The following NBEA variants were observed in gnomAD, a reference collection of about 807,000 sequenced individuals.
NBEA encodes the protein neurobeachin.
In NBEA, 44 loss-of-function variants were observed where a neutral mutation model predicts 343.4. That is an observed-to-expected ratio of 0.13 (90% CI 0.10 to 0.16). The LOEUF is 0.16. NBEA is among the 10% of genes least tolerant of loss of function. The pLI, the probability that NBEA is intolerant of heterozygous loss-of-function variation, is 1.00. For missense variants in NBEA, 2,555 were observed against 3,631.3 expected, an observed-to-expected ratio of 0.70 and a Z score of 7.62; for synonymous variants, 1,175 against 1,238.7, an observed-to-expected ratio of 0.95 and a Z score of 1.08.
intron 2 of NBEA, among the ~76,000 whole-genome samples, chr13:35,043,024 A>G (rs924131246): frequency 1.3e-5 from 2 of 151,890 alleles, no homozygotes; most frequent in African/African-American, 4.8e-5. Flanking sequence ...TTTTAAAAAA[A>G]ATCATTTCTA....
At chr13:35,099,879 G>T (rs570055186) in intron 11 of NBEA, among the ~76,000 whole-genome samples, 1 of 152,088 alleles carries the variant, frequency 6.6e-6, no homozygotes, top group African/African-American at 2.4e-5. Flanking sequence ...AAATTAAAGT[G>T]GGATTTCATG....
intron 37 of NBEA, among the ~76,000 whole-genome samples, chr13:35,351,252 A>G (rs2040182727): frequency 1.3e-5 from 2 of 151,872 alleles, no homozygotes; most frequent in African/African-American, 4.8e-5. Flanking sequence ...GATGTATGAG[A>G]CTTTTTTCTT....
intron 36 of NBEA, among the ~76,000 whole-genome samples, chr13:35,339,238 T>A (rs975833182): frequency 6.6e-6 from 1 of 150,602 alleles, no homozygotes; most frequent in African/African-American, 2.5e-5. Flanking sequence ...AGGACTTATA[T>A]ATAGCAAACC....
chr13:35,619,857 G>C (rs1369825141), intron 48 of NBEA, among the ~76,000 whole-genome samples: 1 of 152,166 alleles, frequency 6.6e-6, no homozygotes, highest in Non-Finnish European at 1.5e-5. Context: ...TCTTTACTGA[G>C]AGCTAGTTAT....
intron 41 of NBEA, among the ~76,000 whole-genome samples, chr13:35,525,509 C>T (rs758295573): frequency 7.9e-5 from 12 of 151,964 alleles, no homozygotes; most frequent in Non-Finnish European, 1.3e-4. Context: ...GCCAAGATCG[C>T]GCCACTGCAC....
At chr13:35,025,807 G>A (rs2062001179) in intron 1 of NBEA, among the ~76,000 whole-genome samples, 1 of 151,990 alleles carries the variant, frequency 6.6e-6, no homozygotes, top group Admixed American at 6.6e-5. Context: ...GTTTTTTACA[G>A]ACTCAGGTTA....
At chr13:35,469,380 G>A (rs998781627) in intron 40 of NBEA, among the ~76,000 whole-genome samples, 2 of 151,962 alleles carry the variant, frequency 1.3e-5, no homozygotes, top group East Asian at 1.9e-4. Flanking sequence ...ATGCTTGGGC[G>A]GTTTTTGTTC....
intron 39 of NBEA, among the ~76,000 whole-genome samples, chr13:35,435,552 G>A (rs140921004): frequency 6.6e-6 from 1 of 150,472 alleles, no homozygotes; most frequent in African/African-American, 2.4e-5. Flanking sequence ...GGAGTGGGGT[G>A]GGGGGGGCGT....
intron 35 of NBEA, among the ~76,000 whole-genome samples, chr13:35,309,140 C>A (rs2037190998): frequency 6.6e-6 from 1 of 151,902 alleles, no homozygotes; most frequent in South Asian, 2.1e-4. Context: ...ATTTTATTAT[C>A]TTAATGTAAA....
chr13:35,574,401 G>GA lies in NBEA; in HGVS notation c.7035+7392dup, dbSNP rs963532174. On this transcript the variant is annotated intron_variant, in intron 45 of 58. Coordinates refer to ENST00000379939, the MANE Select transcript of NBEA (RefSeq NM_001385012.1). The stretch of plus-strand genomic sequence containing the variant: ...CTATCAAAAAAAAAGAAAAACAAAA[G>GA]AAAAAAAACAAGGAAAGAAAAAGAA... Among the ~76,000 whole-genome samples, 54 of 107,674 alleles carry GA rather than the reference G, an allele frequency of 5.0e-4. 2 individuals carry two copies. The highest frequency in any genetic ancestry group is 1.4e-3 in the Admixed American group (17 of 11,756). The allele number at this position is 107,674 out of a possible 152,430, so 70.6% of individuals were successfully genotyped here.
intron 36 of NBEA, among the ~76,000 whole-genome samples, chr13:35,321,730 A>G (rs1566615638): frequency 6.6e-6 from 1 of 151,940 alleles, no homozygotes; most frequent in South Asian, 2.1e-4. Flanking sequence ...TGTCCCAGGA[A>G]GATGGGAGTT....
chr13:35,167,382 A>C (rs951040594), intron 24 of NBEA, among the ~76,000 whole-genome samples: 1 of 151,954 alleles, frequency 6.6e-6, no homozygotes, highest in Middle Eastern at 3.2e-3. Flanking sequence ...ATCATGGAAG[A>C]AAATTTTTGA....
At chr13:34,957,890 CTTTG>C (rs1446077930) in intron 1 of NBEA, among the ~76,000 whole-genome samples, 2 of 151,942 alleles carry the variant, frequency 1.3e-5, no homozygotes, top group Non-Finnish European at 2.9e-5. Context: ...TTATTTGTCT[CTTTG>C]TTTGCTTCTT....
At chr13:35,334,357 A>G (rs537781714) in intron 36 of NBEA, among the ~76,000 whole-genome samples, 19 of 152,136 alleles carry the variant, frequency 1.2e-4, no homozygotes, top group Admixed American at 3.3e-4. Flanking sequence ...GCACCCTCCA[A>G]CTCACAGGTT....
intron 38 of NBEA, among the ~76,000 whole-genome samples, chr13:35,423,870 G>C (rs888055363): frequency 5.3e-5 from 8 of 151,962 alleles, no homozygotes; most frequent in Non-Finnish European, 1.2e-4. Context: ...CTTCATATCC[G>C]TTGTAAGTTG....
chr13:35,665,661 T>C (rs138247406), intron 56 of NBEA, among the ~76,000 whole-genome samples: 162 of 152,208 alleles, frequency 1.1e-3, no homozygotes, highest in African/African-American at 3.7e-3. Context: ...ACCTTCACTC[T>C]TGTCACGCAG....
At chr13:35,441,575 C>T (rs2045739110) in intron 39 of NBEA, among the ~76,000 whole-genome samples, 1 of 152,056 alleles carries the variant, frequency 6.6e-6, no homozygotes, top group African/African-American at 2.4e-5. Context: ...CCTTCCCCTA[C>T]CTTCATGACC....
intron 20 of NBEA, 132 bp from the exon 21 acceptor site, chr13:35,156,946 G>A (rs764961816): frequency 1.8e-6 from 1 of 562,958 alleles, no homozygotes; most frequent in Admixed American, 3.4e-5. Context: ...TATATAACGT[G>A]CAGCATGACT....
intron 33 of NBEA, among the ~76,000 whole-genome samples, chr13:35,212,954 T>G (rs2073866851): frequency 6.6e-6 from 1 of 151,986 alleles, no homozygotes; most frequent in Admixed American, 6.6e-5. Context: ...CTTCTTCCAT[T>G]TTCTGGCTTT....
Sources: gnomAD v4.1 joint callset for allele counts (sites outside exome capture counted in the v4.1 genomes callset) on GRCh38, gnomAD v4.1.1 for gene constraint, MANE v1.5 for transcripts, NCBI Gene and HGNC (gene_info 2026-07-23, HGNC 2026-07-21) for gene names.